The following BCL7A variants were observed in gnomAD, a reference collection of about 807,000 sequenced individuals.
BCL7A encodes the protein B-cell CLL/lymphoma 7 protein family member A.
BCL7A carries 11 observed loss-of-function variants against 28.4 expected under a neutral mutation model. The ratio of observed to expected loss-of-function variants is 0.39; its 90% CI spans 0.24 to 0.64. BCL7A has a LOEUF of 0.64. BCL7A is among the 30% of genes least tolerant of loss of function. The pLI is 0.50. For synonymous variants in BCL7A, 123 were observed against 103.3 expected (o/e 1.19, Z -1.15); for missense variants, 222 against 274.8 (o/e 0.81, Z 1.36).
At chr12:122,046,716 T>G (rs1884083704) in intron 4 of BCL7A, among the ~76,000 whole-genome samples, 1 of 152,176 alleles carries the variant, frequency 6.6e-6, no homozygotes, top group Non-Finnish European at 1.5e-5. Context: ...ATTTCTAGCT[T>G]CTTTTGAAGA....
chr12:122,035,302 C>T, intron 2 of BCL7A, 29 bp from the exon 3 acceptor site: 2 of 1,596,266 alleles, frequency 1.3e-6, no homozygotes, highest in South Asian at 2.2e-5. Context: ...GATCTGGTGA[C>T]TTGGTTTCTG....
Position 122,040,804 on chromosome 12 carries a change from G to A in BCL7A, c.272-3082G>A, listed in dbSNP as rs551107561. Among the ~76,000 whole-genome samples the A allele has an allele frequency of 6.6e-5, 10 of 152,184 alleles. No individual in the cohort carries two copies. In the Middle Eastern group the frequency reaches 0.01, roughly 155 times the overall value. ...GGGATGAAGGAGAGGGCGGTGCCCC[G>A]GGCCCTTTAGTCCACAAGACTCAGC... On this transcript the variant is annotated intron_variant, in intron 3 of 5. Coordinates refer to ENST00000261822, the MANE Select transcript of BCL7A (RefSeq NM_001024808.3).
At chr12:122,044,237 A>G (rs1250459510) in intron 4 of BCL7A, 184 bp downstream of exon 4, 4 of 684,658 alleles carry the variant, frequency 5.8e-6, no homozygotes, top group East Asian at 5.8e-5. Flanking sequence ...GGCCAGGTGC[A>G]GTGGCTCATG....
chr12:122,034,208 T>C (rs1883801442), intron 2 of BCL7A, among the ~76,000 whole-genome samples: 1 of 27,860 alleles, frequency 3.6e-5, no homozygotes, highest in African/African-American at 1.1e-4. Flanking sequence ...TATATATATA[T>C]ATATATATAT....
chr12:122,034,057 T>C (rs1456724185), intron 2 of BCL7A, among the ~76,000 whole-genome samples: 1 of 151,492 alleles, frequency 6.6e-6, no homozygotes, highest in Non-Finnish European at 1.5e-5. Flanking sequence ...TTGCCAGGTT[T>C]TGTTTATCCT....
intron 1 of BCL7A, among the ~76,000 whole-genome samples, chr12:122,023,011 GT>G (rs1385780945): frequency 6.6e-6 from 1 of 152,136 alleles, no homozygotes; most frequent in Non-Finnish European, 1.5e-5. Context: ...GGGAGCTGTT[GT>G]TTTTGTTCTC....
chr12:122,051,927 G>C (rs1029909914), intron 4 of BCL7A, among the ~76,000 whole-genome samples: 1 of 120,236 alleles, frequency 8.3e-6, no homozygotes, highest in Non-Finnish European at 1.6e-5. Context: ...AGGCTGGAGT[G>C]CAGTGGTGCG....
chr12:122,022,121 G>C lies in BCL7A; in HGVS notation c.30G>C (p.Thr10=), dbSNP rs533177288. The change falls in exon 1 of 6, where the codon ACG becomes ACC. Residue 10 remains threonine, a synonymous_variant. Coordinates refer to ENST00000261822, the MANE Select transcript of BCL7A (RefSeq NM_001024808.3). MSGRSVRAE[T]RSRAKDDIKR... is the part of the protein sequence containing the mutation. ...CGGGCAGGTCGGTTCGAGCCGAGAC[G>C]AGGAGCCGGGCCAAAGATGATATCA... 2.5e-6 allele frequency: 4 copies of C among 1,586,922 alleles called. No homozygotes were observed. Among genetic ancestry groups the C allele is most frequent in the Non-Finnish European group, 3.4e-6 (4 of 1,165,472 alleles).
chr12:122,041,625 G>C (rs1480427085), intron 3 of BCL7A, among the ~76,000 whole-genome samples: 4 of 152,140 alleles, frequency 2.6e-5, no homozygotes, highest in African/African-American at 9.7e-5. Context: ...TTAGCCAGAT[G>C]CAGTGGCACA....
intron 4 of BCL7A, among the ~76,000 whole-genome samples, chr12:122,052,195 A>T (rs956166354): frequency 8.2e-5 from 12 of 145,570 alleles, no homozygotes; most frequent in African/African-American, 2.7e-4. Context: ...CCTCTCTTTT[A>T]AAAAAAAAAA....
chr12:122,032,507 A>T (rs1883766010), intron 2 of BCL7A, among the ~76,000 whole-genome samples: 1 of 152,208 alleles, frequency 6.6e-6, no homozygotes, highest in Non-Finnish European at 1.5e-5. Flanking sequence ...TGAAACAGAT[A>T]TCAGGGAAGT....
chr12:122,060,678 G>T lies in BCL7A; in HGVS notation c.*1515G>T, dbSNP rs1339764702. 8.6e-6 allele frequency: 2 copies of T among 233,032 alleles called. No individual in the cohort carries two copies. Among genetic ancestry groups the T allele is most frequent in the Non-Finnish European group, 1.7e-5 (2 of 117,880 alleles). 14.4% of individuals were successfully genotyped at this position (233,032 alleles called of 1,614,324 possible). On this transcript the variant is annotated 3_prime_UTR_variant, in exon 6 of 6. Transcript: ENST00000261822. ...GTCATGGGTTTTGTTGTTTTTGGGG[G>T]CTAATTGGTGCATATTCAGGTACCA...
Position 122,054,847 on chromosome 12 carries a change from C to G in BCL7A, c.482C>G (p.Ser161Trp). ...AATTCACAGTCCTCGATGGAACATT[C>G]GATGAACAGCTCAGAGAAAGTAGAT... The part of the protein sequence containing the change: ...EQNSQSSMEH[S>W]MNSSEKVDRQ... The change falls in exon 5 of 6, where the codon TCG becomes TGG. Residue 161 changes from serine (S) to tryptophan (W), a missense_variant. By Grantham distance (177) the Ser-to-Trp change is radical. Transcript: ENST00000261822. The G allele has an allele frequency of 1.2e-6, 2 of 1,614,130 alleles. No homozygotes were observed. Among genetic ancestry groups the G allele is most frequent in the Non-Finnish European group, 1.7e-6 (2 of 1,180,036 alleles).
At chr12:122,045,233 T>C (rs11043299) in intron 4 of BCL7A, among the ~76,000 whole-genome samples, 89,997 of 151,782 alleles carry the variant, frequency 0.59, 27,104 homozygotes, top group Middle Eastern at 0.79. Flanking sequence ...ATACAAAAAT[T>C]AGCAGAGTGT....
rs773860958 is a variant in BCL7A, at chr12:122,054,844, A to G, written c.479A>G (p.His160Arg). Residue 160 changes from histidine to arginine, a missense_variant, in exon 5 of 6, where the codon CAT (histidine) becomes CGT (arginine). By Grantham distance (29) the His-to-Arg change is conservative. Around this residue, in one of 2 missense-constraint regions of BCL7A, gnomAD observed 155 missense variants for 145.7 expected, o/e 1.06. Transcript: ENST00000261822. ...DEQNSQSSME[H>R]SMNSSEKVDR... ...CAGAATTCACAGTCCTCGATGGAAC[A>G]TTCGATGAACAGCTCAGAGAAAGTA... The G allele has an allele frequency of 5.0e-6, 8 of 1,614,236 alleles. No individual in the cohort carries two copies. In the South Asian group the frequency reaches 8.8e-5, roughly 18 times the overall value.
rs73417625 is a variant in BCL7A, at chr12:122,057,409, A to G, written c.562-1683A>G. Among the ~76,000 whole-genome samples the G allele has an allele frequency of 5.3e-3, 800 of 152,318 alleles. 5 individuals are homozygous for G. Among genetic ancestry groups the G allele is most frequent in the African/African-American group, 0.018 (751 of 41,572 alleles). The stretch of plus-strand genomic sequence containing the variant: ...GAGGAACTGGGTTTGTTCAGAAGTC[A>G]GTAGGAAAGTTGTGGAATGCTTTGT... On this transcript the variant is annotated intron_variant, in intron 5 of 5. Coordinates refer to ENST00000261822, the MANE Select transcript of BCL7A (RefSeq NM_001024808.3).
intron 4 of BCL7A, among the ~76,000 whole-genome samples, chr12:122,046,025 A>C (rs1474303538): frequency 2.2e-5 from 3 of 134,266 alleles, no homozygotes; most frequent in Non-Finnish European, 4.6e-5. Flanking sequence ...CCATGATTGC[A>C]CCACTCCAGC....
chr12:122,058,480 G>A (rs1364747822), intron 5 of BCL7A, among the ~76,000 whole-genome samples: 2 of 151,950 alleles, frequency 1.3e-5, no homozygotes, highest in African/African-American at 2.4e-5. Context: ...CCCACATGGT[G>A]AAACCCCGTC....
intron 4 of BCL7A, among the ~76,000 whole-genome samples, chr12:122,048,657 G>A (rs746101841): frequency 6.6e-6 from 1 of 151,906 alleles, no homozygotes; most frequent in Non-Finnish European, 1.5e-5. Flanking sequence ...AGGCTGAGGC[G>A]AAGATCACTT....
Sources: gnomAD v4.1 joint callset for allele counts (sites outside exome capture counted in the v4.1 genomes callset) on GRCh38, gnomAD v4.1.1 for gene constraint, gnomAD v4.1.1 regional missense constraint, MANE v1.5 for transcripts, NCBI Gene and HGNC (gene_info 2026-07-23, HGNC 2026-07-21) for gene names.